The following SLC39A10 variants were observed in gnomAD, a reference collection of about 807,000 sequenced individuals.
SLC39A10 encodes zinc transporter ZIP10.
In SLC39A10, 13 loss-of-function variants were observed where a neutral mutation model predicts 65.1. The observed-to-expected ratio is 0.20, with a 90% CI of 0.13 to 0.32. SLC39A10 has a LOEUF of 0.32. Ranked by LOEUF, SLC39A10 falls within the 10% of genes least tolerant of loss-of-function variation. SLC39A10 has a pLI of 1.00. For missense variants in SLC39A10, 831 were observed against 1,018.4 expected (o/e 0.82, Z 2.50); for synonymous variants, 321 against 342.2 (o/e 0.94, Z 0.68).
intron 3 of SLC39A10, among the ~76,000 whole-genome samples, chr2:195,695,704 G>T (rs1322127731): frequency 2.6e-5 from 4 of 152,212 alleles, no homozygotes. Context: ...CTCTGTCCGA[G>T]CAGGAGCTGC....
At chr2:195,718,167 C>T in intron 7 of SLC39A10, 85 bp from the exon 8 acceptor site, 2 of 1,099,764 alleles carry the variant, frequency 1.8e-6, no homozygotes, top group Non-Finnish European at 2.7e-6. Flanking sequence ...TTTAGATAGG[C>T]AAAAGAAACT....
At chr2:195,662,850 T>TG (rs1288933547) in intron 1 of SLC39A10, among the ~76,000 whole-genome samples, 1 of 152,228 alleles carries the variant, frequency 6.6e-6, no homozygotes, top group Non-Finnish European at 1.5e-5. Flanking sequence ...TAGCTGCTCT[T>TG]GCGGTAAAAT....
At chr2:195,671,612 G>A (rs926905222) in intron 1 of SLC39A10, 1 of 152,220 alleles carries the variant, frequency 6.6e-6, no homozygotes, top group Non-Finnish European at 1.5e-5. Flanking sequence ...GGGTTGAGTG[G>A]TATATGGGCT....
At chr2:195,675,707 C>T (rs1690058563) in intron 1 of SLC39A10, among the ~76,000 whole-genome samples, 1 of 152,168 alleles carries the variant, frequency 6.6e-6, no homozygotes, top group Admixed American at 6.5e-5. Flanking sequence ...GCTGGGATTA[C>T]AGGCGTGAGC....
At chr2:195,731,619 G>A (rs1692435186) in intron 9 of SLC39A10, among the ~76,000 whole-genome samples, 1 of 152,158 alleles carries the variant, frequency 6.6e-6, no homozygotes, top group Non-Finnish European at 1.5e-5. Context: ...AGTCTTTACA[G>A]AAAGGATTTA....
rs551418158 is a variant in SLC39A10, at chr2:195,714,204, T to A, written c.1696+651T>A. On this transcript the variant is annotated intron_variant, in intron 6 of 9. Coordinates refer to ENST00000359634, the MANE Select transcript of SLC39A10 (RefSeq NM_020342.3). ...CCTCGGCCTCCCAAAGTGCTGGGATTACAGGAGTGAGCCACCGCGCCCGGC... is the reference window on the plus strand; with the variant it reads ...CCTCGGCCTCCCAAAGTGCTGGGATAACAGGAGTGAGCCACCGCGCCCGGC... Among the ~76,000 whole-genome samples, 4 of 152,280 alleles carry A rather than the reference T, an allele frequency of 2.6e-5. No individual in the cohort carries two copies. The South Asian group carries it at 8.3e-4, about 32-fold the overall frequency.
At chr2:195,708,540 A>T in intron 4 of SLC39A10, 116 bp from the exon 5 acceptor site, 2 of 811,938 alleles carry the variant, frequency 2.5e-6, no homozygotes, top group Non-Finnish European at 3.6e-6. Context: ...GGAGCACTTT[A>T]AAACTTGAAA....
chr2:195,678,295 T>C (rs1346170194), intron 1 of SLC39A10, among the ~76,000 whole-genome samples: 1 of 152,228 alleles, frequency 6.6e-6, no homozygotes, highest in Non-Finnish European at 1.5e-5. Flanking sequence ...GGCAGTATTT[T>C]ATATTTCAGT....
intron 4 of SLC39A10, 146 bp downstream of exon 4, chr2:195,706,931 C>A: frequency 1.8e-6 from 1 of 544,580 alleles, no homozygotes; most frequent in Non-Finnish European, 2.8e-6. Flanking sequence ...TCTCCATTTT[C>A]AGAGTTTTAA....
intron 4 of SLC39A10, 33 bp downstream of exon 4, chr2:195,706,818 A>G (rs1483369152): frequency 7.1e-7 from 1 of 1,402,718 alleles, no homozygotes; most frequent in Admixed American, 2.8e-5. Flanking sequence ...TTAAAAATTT[A>G]AAATAAAAAT....
intron 3 of SLC39A10, among the ~76,000 whole-genome samples, chr2:195,694,294 C>G (rs1175445188): frequency 1.3e-5 from 2 of 152,108 alleles, no homozygotes. Flanking sequence ...GTAGAATGTT[C>G]TGTAAATATC....
At chr2:195,704,787 TTTGTTG>T (rs1322582668) in intron 3 of SLC39A10, among the ~76,000 whole-genome samples, 1 of 147,584 alleles carries the variant, frequency 6.8e-6, no homozygotes, top group Non-Finnish European at 1.5e-5. Context: ...CCTGTGTTTT[TTTGTTG>T]TTGTTGTTTG....
intron 1 of SLC39A10, among the ~76,000 whole-genome samples, chr2:195,663,702 GA>G (rs58084192): frequency 0.055 from 5,635 of 102,576 alleles, 318 homozygotes; most frequent in East Asian, 0.32. Flanking sequence ...TAGAAGTTAT[GA>G]AAAAAAAAGA....
intron 2 of SLC39A10, among the ~76,000 whole-genome samples, chr2:195,627,222 T>C (rs1187046566): frequency 6.6e-6 from 1 of 152,146 alleles, no homozygotes; most frequent in African/African-American, 2.4e-5. Flanking sequence ...TTCAAAACAT[T>C]TTGAAACAGT....
At chr2:195,687,135 G>A (rs1485389356) in intron 3 of SLC39A10, among the ~76,000 whole-genome samples, 3 of 152,102 alleles carry the variant, frequency 2.0e-5, no homozygotes, top group African/African-American at 7.2e-5. Context: ...GATCTTGGTG[G>A]ATGAATAAGC....
intron 1 of SLC39A10, chr2:195,657,562 A>G (rs6724286): frequency 1 from 985,024 of 985,534 alleles, 492,264 homozygotes; most frequent in East Asian, 1. Context: ...AGCCGGCGGC[A>G]TCCACTTCGC....
At chr2:195,629,901 T>A (rs1688549041) in intron 2 of SLC39A10, among the ~76,000 whole-genome samples, 1 of 152,024 alleles carries the variant, frequency 6.6e-6, no homozygotes. Context: ...CTATTTTTTA[T>A]TTTTTTATTT....
chr2:195,719,970 A>G (rs1286309227), intron 8 of SLC39A10, among the ~76,000 whole-genome samples: 3 of 152,026 alleles, frequency 2.0e-5, no homozygotes, highest in Admixed American at 2.0e-4. Flanking sequence ...TTGTAGTTTT[A>G]GTAGAGACGG....
At position 195,680,505 on chromosome 2, in the gene SLC39A10, C is replaced by T; in HGVS notation, c.463C>T (p.Pro155Ser). 2 of 1,614,094 alleles carry T rather than the reference C, an allele frequency of 1.2e-6. No individual in the cohort carries two copies. The highest frequency in any genetic ancestry group is 1.7e-6 in the Non-Finnish European group (2 of 1,180,032). Residue 155 changes from proline (P) to serine (S), a missense_variant, in exon 2 of 10, where the codon CCA becomes TCA. By Grantham distance (74) the Pro-to-Ser change is moderately conservative. Coordinates refer to ENST00000359634, the MANE Select transcript of SLC39A10 (RefSeq NM_020342.3). ...VSTKRNHKCD[P>S]EKETVEVSVK... ...CACAAAAAGAAACCATAAATGTGAT[C>T]CAGAGAAAGAGACAGTTGAAGTGTC...
Sources: gnomAD v4.1 joint callset for allele counts (sites outside exome capture counted in the v4.1 genomes callset) on GRCh38, gnomAD v4.1.1 for gene constraint, MANE v1.5 for transcripts, NCBI Gene and HGNC (gene_info 2026-07-23, HGNC 2026-07-21) for gene names.